CPT1A: variants seen among roughly 807,000 people sequenced by gnomAD.
CPT1A encodes carnitine O-palmitoyltransferase 1, liver isoform.
In CPT1A, 64 loss-of-function variants were observed where a neutral mutation model predicts 100.8. That is an observed-to-expected ratio of 0.63 (90% CI 0.52 to 0.78). The LOEUF is 0.78. CPT1A is among the 30% of genes least tolerant of loss of function. The pLI is 0.00. For synonymous variants in CPT1A, 363 were observed against 396.0 expected (o/e 0.92, Z 0.99); for missense variants, 802 against 1,034.1 (o/e 0.78, Z 3.08).
chr11:68,827,010 G>A (rs967853407), intron 1 of CPT1A, among the ~76,000 whole-genome samples: 7 of 152,032 alleles, frequency 4.6e-5, no homozygotes, highest in African/African-American at 1.7e-4. Context: ...GAGGAGGAGT[G>A]GGGGTGAGGT....
At chr11:68,840,769 G>A (rs1471358230) in intron 1 of CPT1A, among the ~76,000 whole-genome samples, 2 of 152,248 alleles carry the variant, frequency 1.3e-5, no homozygotes, top group Non-Finnish European at 2.9e-5. Context: ...AAAGAAGCCG[G>A]CTGTTGGCTG....
intron 5 of CPT1A, among the ~76,000 whole-genome samples, chr11:68,801,749 A>G (rs1434581723): frequency 6.8e-6 from 1 of 148,142 alleles, no homozygotes; most frequent in Non-Finnish European, 1.5e-5. Context: ...TAGTTTTAAA[A>G]TTGGAGTCCC....
At chr11:68,839,263 C>A (rs903140026) in intron 1 of CPT1A, among the ~76,000 whole-genome samples, 4 of 152,260 alleles carry the variant, frequency 2.6e-5, no homozygotes, top group African/African-American at 9.6e-5. Flanking sequence ...ACCGCCCCTG[C>A]GCCTTTAGAT....
intron 6 of CPT1A, 63 bp from the exon 7 acceptor site, chr11:68,796,996 A>C: frequency 6.6e-7 from 1 of 1,525,702 alleles, no homozygotes; most frequent in South Asian, 1.1e-5. Flanking sequence ...GCTCCCTGGC[A>C]GCAGCCCAGA....
rs111436340 is a variant in CPT1A at position 68,799,180 on chromosome 11, A to AC, written c.693+37_693+38insG. ...CCTCAAAATTAGCGTCTTCATACGGAAAAATTTCATCAAGAAAAACTGTGT... is the reference window on the plus strand; with the variant it reads ...CCTCAAAATTAGCGTCTTCATACGGACAAAATTTCATCAAGAAAAACTGTGT... On this transcript the variant is annotated intron_variant, in intron 6 of 18. Transcript: ENST00000265641. 12 of 29,332 alleles carry AC rather than the reference A, an allele frequency of 4.1e-4. 1 individual carries two copies. Among genetic ancestry groups the AC allele is most frequent in the East Asian group, 3.9e-3 (3 of 772 alleles). The allele number at this position is 29,332 out of a possible 1,614,324, so 1.8% of individuals were successfully genotyped here. A position where few individuals can be genotyped will look rare whatever the true frequency, so the allele number is the denominator to read the frequency against.
At chr11:68,778,095 T>C (rs1057230880) in intron 12 of CPT1A, among the ~76,000 whole-genome samples, 2 of 151,676 alleles carry the variant, frequency 1.3e-5, no homozygotes, top group Non-Finnish European at 2.9e-5. Flanking sequence ...TTTTTTTTTT[T>C]CCTTTTTATC....
chr11:68,769,202 C>T (rs758235503), intron 14 of CPT1A, among the ~76,000 whole-genome samples: 1 of 152,122 alleles, frequency 6.6e-6, no homozygotes, highest in African/African-American at 2.4e-5. Flanking sequence ...ATTTCCCAGG[C>T]CTGCTTTTGT....
At position 68,762,762 on chromosome 11, in the gene CPT1A, C is replaced by T; in HGVS notation, c.1741-1G>A. The T allele has an allele frequency of 6.2e-7, 1 of 1,614,096 alleles. No individual in the cohort carries two copies. Among genetic ancestry groups the T allele is most frequent in the Non-Finnish European group, 8.5e-7 (1 of 1,180,046 alleles). ...ATGTGAGGCAAAACTTGCCCATGTCCTGGGGAAAGAGAAGTACTTCAGTGC... is the reference window on the plus strand; with the variant it reads ...ATGTGAGGCAAAACTTGCCCATGTCTTGGGGAAAGAGAAGTACTTCAGTGC... On this transcript the variant is annotated splice_acceptor_variant, in intron 14 of 18. Coordinates refer to ENST00000265641, the MANE Select transcript of CPT1A (RefSeq NM_001876.4). LOFTEE classifies it high-confidence loss of function.
intron 1 of CPT1A, among the ~76,000 whole-genome samples, chr11:68,821,573 G>A (rs998030346): frequency 6.6e-6 from 1 of 152,218 alleles, no homozygotes; most frequent in Non-Finnish European, 1.5e-5. Flanking sequence ...TAACAGGTGT[G>A]AGCCACCGCG....
chr11:68,772,321 C>A lies in CPT1A; in HGVS notation c.1740+944G>T, dbSNP rs528944992. 9.3e-4 allele frequency among the ~76,000 whole-genome samples: 141 copies of A among 152,236 alleles called. 3 individuals are homozygous for A. The South Asian group carries it at 0.028, about 30-fold the overall frequency. ...TGAGCCGAGATCATGCCATTACACT[C>A]CAGCCTGGGTAACAAGAGTGAGATT... On this transcript the variant is annotated intron_variant, in intron 14 of 18. Coordinates refer to ENST00000265641, the MANE Select transcript of CPT1A (RefSeq NM_001876.4).
At chr11:68,821,299 C>G (rs965235088) in intron 1 of CPT1A, among the ~76,000 whole-genome samples, 1 of 152,144 alleles carries the variant, frequency 6.6e-6, no homozygotes, top group Non-Finnish European at 1.5e-5. Flanking sequence ...ATTACAGGCC[C>G]CCACCACCAC....
intron 12 of CPT1A, among the ~76,000 whole-genome samples, chr11:68,776,978 T>C (rs981651471): frequency 6.6e-6 from 1 of 152,218 alleles, no homozygotes; most frequent in African/African-American, 2.4e-5. Flanking sequence ...TCGGGGTGAC[T>C]GTCGGCTGGC....
chr11:68,785,433 C>A (rs1177531430), intron 9 of CPT1A, among the ~76,000 whole-genome samples: 2 of 151,716 alleles, frequency 1.3e-5, no homozygotes, highest in East Asian at 1.9e-4. Flanking sequence ...TGGTGACATG[C>A]ACCTCTAGTC....
intron 9 of CPT1A, among the ~76,000 whole-genome samples, chr11:68,791,839 A>C (rs1855624090): frequency 6.6e-6 from 1 of 151,788 alleles, no homozygotes; most frequent in Non-Finnish European, 1.5e-5. Flanking sequence ...GCCTGGCCAG[A>C]ATGGGTTTTT....
intron 14 of CPT1A, among the ~76,000 whole-genome samples, chr11:68,772,366 G>A (rs933211859): frequency 3.9e-5 from 6 of 152,042 alleles, no homozygotes; most frequent in Non-Finnish European, 7.4e-5. Context: ...AAAAAAAGTT[G>A]GGAATATCTC....
At chr11:68,797,147 G>A (rs1461359746) in intron 6 of CPT1A, among the ~76,000 whole-genome samples, 3 of 152,176 alleles carry the variant, frequency 2.0e-5, no homozygotes, top group Admixed American at 6.5e-5. Flanking sequence ...GTTGAGACAG[G>A]CAGAAAGAAG....
At chr11:68,807,239 A>G (rs1201914786) in intron 4 of CPT1A, among the ~76,000 whole-genome samples, 1 of 152,180 alleles carries the variant, frequency 6.6e-6, no homozygotes, top group Non-Finnish European at 1.5e-5. Flanking sequence ...GCAGACCTCA[A>G]TATAAAATGC....
chr11:68,767,962 T>C (rs1384060692), intron 14 of CPT1A, among the ~76,000 whole-genome samples: 1 of 151,598 alleles, frequency 6.6e-6, no homozygotes, highest in Non-Finnish European at 1.5e-5. Flanking sequence ...AAACCACCTT[T>C]GGAGGAAGGC....
intron 2 of CPT1A, among the ~76,000 whole-genome samples, chr11:68,814,137 T>C (rs1379179652): frequency 2.6e-5 from 4 of 152,158 alleles, no homozygotes; most frequent in African/African-American, 9.7e-5. Flanking sequence ...TTCACCTAGT[T>C]TGCATGTTTT....
Sources: gnomAD v4.1 joint callset for allele counts (sites outside exome capture counted in the v4.1 genomes callset) on GRCh38, gnomAD v4.1.1 for gene constraint, MANE v1.5 for transcripts, NCBI Gene and HGNC (gene_info 2026-07-23, HGNC 2026-07-21) for gene names.